Variants in PREX2 observed in about 807,000 individuals in gnomAD.
The protein encoded by PREX2 is phosphatidylinositol-3,4,5-trisphosphate dependent Rac exchange factor 2, also known as phosphatidylinositol 3,4,5-trisphosphate-dependent Rac exchanger 2 protein.
Under a neutral mutation model 203.2 loss-of-function variants are expected in PREX2, and 107 were observed. The ratio of observed to expected loss-of-function variants is 0.53; its 90% CI spans 0.45 to 0.62. PREX2 has a LOEUF of 0.62. Among genes scored for constraint, PREX2 ranks in the 20% least tolerant of loss-of-function variants. The probability of loss-of-function intolerance (pLI) is 0.00; values close to 1 mark genes in which losing one functional copy is unlikely to be tolerated. For synonymous variants in PREX2, 672 were observed against 663.6 expected, an observed-to-expected ratio of 1.01 and a Z score of -0.19; for missense variants, 1,777 against 1,955.9, an observed-to-expected ratio of 0.91 and a Z score of 1.72.
At chr8:68,046,256 C>A (rs1421310413) in intron 8 of PREX2, among the ~76,000 whole-genome samples, 1 of 152,046 alleles carries the variant, frequency 6.6e-6, no homozygotes, top group African/African-American at 2.4e-5. Flanking sequence ...TTAGTGCCAT[C>A]TGCATTGGTG....
intron 10 of PREX2, among the ~76,000 whole-genome samples, chr8:68,057,690 C>T (rs898238329): frequency 3.3e-5 from 5 of 152,180 alleles, no homozygotes; most frequent in African/African-American, 1.2e-4. Flanking sequence ...CTTTCAGGGT[C>T]CTCACTGGGA....
chr8:68,014,905 A>G (rs1807370564), intron 1 of PREX2, among the ~76,000 whole-genome samples: 1 of 152,186 alleles, frequency 6.6e-6, no homozygotes. Flanking sequence ...GGGGATAGGA[A>G]TCTGCATTTG....
At chr8:68,128,953 T>C (rs191725715) in intron 31 of PREX2, among the ~76,000 whole-genome samples, 154 of 152,338 alleles carry the variant, frequency 1.0e-3, no homozygotes, top group Non-Finnish European at 1.6e-3. Flanking sequence ...GGTTTTGCCT[T>C]GCTTTTTGAC....
At chr8:68,075,443 C>T (rs1483811673) in intron 14 of PREX2, among the ~76,000 whole-genome samples, 6 of 152,126 alleles carry the variant, frequency 3.9e-5, no homozygotes. Flanking sequence ...TTTTCATGTA[C>T]CCTCTAAAGC....
At chr8:68,195,692 G>T (rs906052096) in intron 37 of PREX2, among the ~76,000 whole-genome samples, 1 of 152,078 alleles carries the variant, frequency 6.6e-6, no homozygotes, top group Non-Finnish European at 1.5e-5. Context: ...CTGACAGAGG[G>T]GAGAAATTCA....
At chr8:68,110,750 T>G (rs1210323017) in intron 25 of PREX2, among the ~76,000 whole-genome samples, 1 of 152,216 alleles carries the variant, frequency 6.6e-6, no homozygotes, top group Non-Finnish European at 1.5e-5. Context: ...ATTTTACACA[T>G]TTTTGAAATT....
intron 35 of PREX2, among the ~76,000 whole-genome samples, chr8:68,191,017 A>G (rs1244143141): frequency 1.3e-5 from 2 of 152,130 alleles, no homozygotes; most frequent in African/African-American, 4.8e-5. Flanking sequence ...ATGAAATACT[A>G]TACAGCCATA....
chr8:68,160,135 A>G (rs1029667909), intron 35 of PREX2, among the ~76,000 whole-genome samples: 6 of 152,130 alleles, frequency 3.9e-5, no homozygotes, highest in Middle Eastern at 3.2e-3. Context: ...TCAGCTCTTC[A>G]GTTAGAATCC....
At chr8:68,160,773 A>G (rs1585836475) in intron 35 of PREX2, among the ~76,000 whole-genome samples, 1 of 152,314 alleles carries the variant, frequency 6.6e-6, no homozygotes, top group East Asian at 1.9e-4. Context: ...TTATTCTTTG[A>G]TAGAGAGAAG....
At chr8:68,133,067 C>T (rs1585818120) in intron 31 of PREX2, among the ~76,000 whole-genome samples, 1 of 152,082 alleles carries the variant, frequency 6.6e-6, no homozygotes, top group Non-Finnish European at 1.5e-5. Context: ...TATGCATAGC[C>T]AGGAAGGCCT....
chr8:68,002,184 G>A (rs1414708611), intron 1 of PREX2, among the ~76,000 whole-genome samples: 25 of 138,646 alleles, frequency 1.8e-4, no homozygotes. Context: ...GTCTCGCTGT[G>A]CCATCTAGGC....
chr8:68,068,580 T>C (rs1809089721), intron 11 of PREX2, among the ~76,000 whole-genome samples: 1 of 152,048 alleles, frequency 6.6e-6, no homozygotes, highest in African/African-American at 2.4e-5. Flanking sequence ...AGATACGTGG[T>C]AAAATTCATT....
intron 23 of PREX2, chr8:68,104,994 C>T (rs1810365266): frequency 1.9e-6 from 1 of 536,834 alleles, no homozygotes; most frequent in Non-Finnish European, 3.0e-6. Context: ...GGGAGTTTCT[C>T]CAAAGCAGAT....
At chr8:68,060,596 A>T in intron 10 of PREX2, 83 bp from the exon 11 acceptor site, 2 of 837,212 alleles carry the variant, frequency 2.4e-6, no homozygotes, top group Non-Finnish European at 3.9e-6. Context: ...TCCTTTCATC[A>T]TTGCTTCATG....
intron 37 of PREX2, among the ~76,000 whole-genome samples, chr8:68,216,442 G>GA (rs1391528922): frequency 1.3e-5 from 2 of 151,926 alleles, no homozygotes; most frequent in Admixed American, 6.6e-5. Flanking sequence ...AAATATGTTG[G>GA]AAAAAACAAA....
chr8:68,094,733 T>C (rs188504725), intron 21 of PREX2, among the ~76,000 whole-genome samples: 305 of 152,312 alleles, frequency 2.0e-3, no homozygotes, highest in African/African-American at 7.2e-3. Flanking sequence ...TTTTCCCCCA[T>C]ACCAACCAAT....
chr8:68,205,381 T>A (rs1377880501), intron 37 of PREX2, among the ~76,000 whole-genome samples: 1 of 152,194 alleles, frequency 6.6e-6, no homozygotes, highest in Non-Finnish European at 1.5e-5. Context: ...CTTAAGTGTT[T>A]GGGTTTTTCA....
chr8:68,156,288 C>G (rs1811543104), intron 34 of PREX2, among the ~76,000 whole-genome samples: 1 of 152,140 alleles, frequency 6.6e-6, no homozygotes, highest in Non-Finnish European at 1.5e-5. Context: ...TAGTTTTGAA[C>G]TTCTGACCTC....
At chr8:68,164,790 C>G (rs1277007233) in intron 35 of PREX2, among the ~76,000 whole-genome samples, 1 of 151,678 alleles carries the variant, frequency 6.6e-6, no homozygotes, top group African/African-American at 2.4e-5. Flanking sequence ...CCATGTTGGT[C>G]AGGCTGGTCT....
Sources: gnomAD v4.1 joint callset for allele counts (sites outside exome capture counted in the v4.1 genomes callset) on GRCh38, gnomAD v4.1.1 for gene constraint, MANE v1.5 for transcripts, NCBI Gene and HGNC (gene_info 2026-07-23, HGNC 2026-07-21) for gene names.